The following REPS2 variants were observed in gnomAD, a reference collection of about 807,000 sequenced individuals.
REPS2 encodes the protein ralBP1-associated Eps domain-containing protein 2.
REPS2 carries 23 observed loss-of-function variants against 53.6 expected under a neutral mutation model. The ratio of observed to expected loss-of-function variants is 0.43; its 90% confidence interval spans 0.31 to 0.61. REPS2 has a LOEUF of 0.61. Among genes scored for constraint, REPS2 ranks in the 20% least tolerant of loss-of-function variants. The pLI is 0.11. For missense variants in REPS2, 446 were observed against 534.9 expected (o/e 0.83, Z 1.64); for synonymous variants, 238 against 218.6 (o/e 1.09, Z -0.78).
chrX:17,154,817 G>A (rs1292214323), downstream of REPS2, among the ~76,000 whole-genome samples: 2 of 112,546 alleles, frequency 1.8e-5, no homozygotes, highest in Non-Finnish European at 3.8e-5. Flanking sequence ...AGAGGAAAAA[G>A]TTTTGGTGAA....
At chrX:16,998,421 A>G (rs1211424705) in intron 1 of REPS2, among the ~76,000 whole-genome samples, 1 of 112,036 alleles carries the variant, frequency 8.9e-6, no homozygotes, top group Non-Finnish European at 1.9e-5. Context: ...ATATAAGTAA[A>G]TGCATCTATA....
chrX:17,080,039 T>C (rs1487932919), intron 13 of REPS2, among the ~76,000 whole-genome samples: 1 of 112,040 alleles, frequency 8.9e-6, no homozygotes, highest in East Asian at 2.8e-4. Context: ...CTTATCTTTA[T>C]GTATCACTTT....
chrX:16,996,074 T>C (rs1052566471), intron 1 of REPS2, among the ~76,000 whole-genome samples: 1 of 109,167 alleles, frequency 9.2e-6, no homozygotes, highest in African/African-American at 3.3e-5. Context: ...GTTGTAAGAG[T>C]AGGGAAGGTT....
At chrX:17,115,933 G>C (rs754995185) in intron 14 of REPS2, among the ~76,000 whole-genome samples, 1 of 111,471 alleles carries the variant, frequency 9.0e-6, no homozygotes, top group East Asian at 2.8e-4. Context: ...TACTTCTTTC[G>C]ACACAGACAC....
At chrX:17,184,688 C>G in the REPS2 span, among the ~76,000 whole-genome samples, 1 of 111,636 alleles carries the variant, frequency 9.0e-6, no homozygotes, top group Admixed American at 9.5e-5. Flanking sequence ...TCTCCAGCAC[C>G]TGTTGTTTCC....
At chrX:17,021,292 C>T (rs2061574106) in intron 2 of REPS2, among the ~76,000 whole-genome samples, 1 of 112,426 alleles carries the variant, frequency 8.9e-6, no homozygotes, top group South Asian at 3.6e-4. Context: ...TTTCCGCTTT[C>T]AGAATAGTTT....
intron 1 of REPS2, among the ~76,000 whole-genome samples, chrX:16,962,286 C>T (rs1298994357): frequency 5.1e-5 from 5 of 97,586 alleles, no homozygotes; most frequent in African/African-American, 1.9e-4. Flanking sequence ...TACACACACA[C>T]ACACACACAC....
chrX:17,123,493 C>T (rs1377211320), intron 14 of REPS2, among the ~76,000 whole-genome samples: 1 of 112,598 alleles, frequency 8.9e-6, no homozygotes, highest in African/African-American at 3.2e-5. Context: ...ATCCCCAAGG[C>T]ATTCTGCCAT....
Position 17,077,395 on chromosome X carries a change from C to A in REPS2, c.1504C>A (p.Pro502Thr). The part of the protein sequence containing the change: ...SSLDLNKVFQ[P>T]SVPATKSGLL... ...CTTGGATCTGAATAAAGTCTTCCAG[C>A]CCAGTGTGCCAGGTGAAGTGCCCCT... The change falls in exon 13 of 18, where the codon CCC becomes ACC. Residue 502 changes from proline (P) to threonine (T), a missense_variant. Physicochemically the swap from Pro to Thr is conservative, Grantham distance 38. Coordinates refer to ENST00000357277, the MANE Select transcript of REPS2 (RefSeq NM_004726.3). 1 of 1,201,245 alleles carries A rather than the reference C, an allele frequency of 8.3e-7. No individual in the cohort carries two copies.
At chrX:17,166,547 C>T in the REPS2 span, among the ~76,000 whole-genome samples, 1 of 112,259 alleles carries the variant, frequency 8.9e-6, no homozygotes, top group Non-Finnish European at 1.9e-5. Flanking sequence ...TCATTCTTTG[C>T]AAAGGACCAT....
At chrX:17,167,237 T>G in the REPS2 span, among the ~76,000 whole-genome samples, 1 of 111,990 alleles carries the variant, frequency 8.9e-6, no homozygotes, top group African/African-American at 3.2e-5. Context: ...GAGATTGCCT[T>G]TGGGTGGTAG....
chrX:17,025,899 TA>T (rs950750127), intron 4 of REPS2, among the ~76,000 whole-genome samples: 4 of 111,460 alleles, frequency 3.6e-5, no homozygotes, highest in Non-Finnish European at 7.5e-5. Context: ...TATGACCAAT[TA>T]AAGGTATTCT....
In REPS2 at chrX:17,104,747, C is replaced by A. The variant is rs141822918; in HGVS notation, c.1578+968C>A. Among the ~76,000 whole-genome samples the A allele has an allele frequency of 2.7e-3, 300 of 112,165 alleles. 1 individual carries two copies. Among genetic ancestry groups the A allele is most frequent in the African/African-American group, 9.4e-3 (290 of 30,906 alleles). ...TAATAAAAAGCCCATTTCTTCCTGA[C>A]CTGCATATAAACCAGCGAGAACTCC... On this transcript the variant is annotated intron_variant, in intron 14 of 17. Coordinates refer to ENST00000357277, the MANE Select transcript of REPS2 (RefSeq NM_004726.3).
chrX:16,980,689 T>C (rs147748680), intron 1 of REPS2, among the ~76,000 whole-genome samples: 66 of 112,205 alleles, frequency 5.9e-4, no homozygotes, highest in African/African-American at 2.0e-3. Context: ...TTTAATAACG[T>C]TTTCAATATA....
Position 17,040,987 on chromosome X carries a change from G to A in REPS2, c.772-6360G>A, listed in dbSNP as rs1308063815. 3.6e-5 allele frequency among the ~76,000 whole-genome samples: 4 copies of A among 111,704 alleles called. No individual in the cohort carries two copies. In the Admixed American group the frequency reaches 3.8e-4, roughly 11 times the overall value. On this transcript the variant is annotated intron_variant, in intron 5 of 17. Coordinates refer to ENST00000357277, the MANE Select transcript of REPS2 (RefSeq NM_004726.3). ...GAAGGATACATTCATTGAGGGAACA[G>A]CTGCTATAACAAATAGGCCCCACAT...
the REPS2 span, among the ~76,000 whole-genome samples, chrX:17,172,369 C>T: frequency 9.0e-6 from 1 of 111,258 alleles, no homozygotes; most frequent in East Asian, 2.8e-4. Context: ...AGTGAGTTCT[C>T]ATGAGATCTG....
intron 14 of REPS2, among the ~76,000 whole-genome samples, chrX:17,124,161 C>G (rs193194876): frequency 2.6e-4 from 29 of 112,351 alleles, no homozygotes; most frequent in Non-Finnish European, 2.4e-4. Flanking sequence ...GAGCCTATAT[C>G]CTGTAACTGT....
chrX:17,028,005 A>G (rs750501541), intron 4 of REPS2, among the ~76,000 whole-genome samples: 9 of 110,825 alleles, frequency 8.1e-5, no homozygotes, highest in African/African-American at 3.0e-4. Context: ...CAGATTTCCC[A>G]CACAAGTAGG....
chrX:17,142,246 T>C (rs962029146), intron 17 of REPS2, among the ~76,000 whole-genome samples: 2 of 112,128 alleles, frequency 1.8e-5, no homozygotes, highest in African/African-American at 6.5e-5. Flanking sequence ...ATGTAAAACA[T>C]AGAGCTATAA....
Sources: allele counts gnomAD v4.1 joint callset (sites outside exome capture counted in the v4.1 genomes callset), GRCh38; gene constraint gnomAD v4.1.1; transcripts MANE v1.5; gene names NCBI Gene and HGNC (gene_info 2026-07-23, HGNC 2026-07-21).